The following TTF2 variants were observed in gnomAD, a reference collection of about 807,000 sequenced individuals.
TTF2 encodes the protein RNA polymerase II termination factor.
In TTF2, 108 loss-of-function variants were observed where a neutral mutation model predicts 142.4. The ratio of observed to expected loss-of-function variants is 0.76; its 90% confidence interval spans 0.65 to 0.89. The LOEUF (loss-of-function observed/expected upper bound fraction) is 0.89. TTF2 is among the 40% of genes least tolerant of loss of function. The pLI is 0.00. For missense variants in TTF2, 1,327 were observed against 1,379.8 expected (o/e 0.96, Z 0.61); for synonymous variants, 483 against 506.2 (o/e 0.95, Z 0.61).
At chr1:117,074,275 G>A (rs1440726520) in intron 4 of TTF2, among the ~76,000 whole-genome samples, 1 of 152,172 alleles carries the variant, frequency 6.6e-6, no homozygotes, top group African/African-American at 2.4e-5. Context: ...TTAAGACAAT[G>A]TTTAGGTTTG....
Position 117,106,697 on chromosome 1 carries a change from C to A in TTF2, c.*5173C>A, listed in dbSNP as rs1224111853. The A allele has an allele frequency of 1.3e-5, 2 of 152,166 alleles. No homozygotes were observed. Among genetic ancestry groups the A allele is most frequent in the Admixed American group, 1.3e-4 (2 of 15,270 alleles). The allele number at this position is 152,166 out of a possible 1,614,324, so 9.4% of individuals were successfully genotyped here. On this transcript the variant is annotated 3_prime_UTR_variant, in exon 23 of 23. Coordinates refer to ENST00000369466, the MANE Select transcript of TTF2 (RefSeq NM_003594.4). ...AGGATTTGACCTAGTTAGGGAAGAT[C>A]TGAGGAAGTGATGAAAGAATGGAAA...
Position 117,075,111 on chromosome 1 carries a change from A to G in TTF2, c.527A>G (p.Lys176Arg), listed in dbSNP as rs1557808612. 1 of 1,614,162 alleles carries G rather than the reference A, an allele frequency of 6.2e-7. No homozygotes were observed. Among genetic ancestry groups the G allele is most frequent in the Non-Finnish European group, 8.5e-7 (1 of 1,180,022 alleles). ...KKEQKPEMME[K>R]DLSSGLVPKK... is the part of the protein sequence containing the mutation. ...GAACAGAAGCCTGAAATGATGGAGA[A>G]AGACCTCTCATCTGGCCTGGTACCA... Residue 176 changes from lysine (K) to arginine (R), a missense_variant, in exon 5 of 23, where the codon AAA becomes AGA. Transcript: ENST00000369466. This position sits in a 1 kb window ranked among gnomAD's most constrained non-coding sequence, Gnocchi z 4.5.
Position 117,099,943 on chromosome 1 carries a change from C to T in TTF2, c.3344+1036C>T, listed in dbSNP as rs1570891485. Among the ~76,000 whole-genome samples, 1 of 152,248 alleles carries T rather than the reference C, an allele frequency of 6.6e-6. No individual in the cohort carries two copies. The highest frequency in any genetic ancestry group is 2.4e-5 in the African/African-American group (1 of 41,470). ...TTCCTTCCTTCACAAATTCTGTGCA[C>T]TCCAGTAAGTCCAAAATTTGTATCT... On this transcript the variant is annotated intron_variant, in intron 22 of 22. Coordinates refer to ENST00000369466, the MANE Select transcript of TTF2 (RefSeq NM_003594.4). The surrounding 1 kb of genome is among the most constrained non-coding windows in gnomAD (Gnocchi z 4.3).
rs537040143 is a variant in TTF2, at chr1:117,102,800, C to T, written c.*1276C>T. 1 of 151,340 alleles carries T rather than the reference C, an allele frequency of 6.6e-6. No homozygotes were observed. The highest frequency in any genetic ancestry group is 2.1e-4 in the South Asian group (1 of 4,780). The allele number at this position is 151,340 out of a possible 1,614,324, so 9.4% of individuals were successfully genotyped here. On this transcript the variant is annotated 3_prime_UTR_variant, in exon 23 of 23. Transcript: ENST00000369466. ...ATACTAATAATACTATTGGTACAAT[C>T]CAATACTAATAATACTAACAGTAGT...
At chr1:117,069,237 A>C (rs2101350322) in intron 3 of TTF2, among the ~76,000 whole-genome samples, 1 of 152,276 alleles carries the variant, frequency 6.6e-6, no homozygotes, top group Non-Finnish European at 1.5e-5. Flanking sequence ...AGCCTTTGAC[A>C]CAGCTGGAAT....
At position 117,076,561 on chromosome 1, in the gene TTF2, CT is replaced by C; in HGVS notation, c.1391-78del. ...ATCGGAATGGTGATGATCCCTCTCTCTTGACCTCACCTCCACACATATGGTC... is the reference window on the plus strand; with the variant it reads ...ATCGGAATGGTGATGATCCCTCTCTCTGACCTCACCTCCACACATATGGTC... On this transcript the variant is annotated intron_variant, in intron 6 of 22. Coordinates refer to ENST00000369466, the MANE Select transcript of TTF2 (RefSeq NM_003594.4). This position sits in a 1 kb window ranked among gnomAD's most constrained non-coding sequence, Gnocchi z 4.6. 1 of 1,427,472 alleles carries C rather than the reference CT, an allele frequency of 7.0e-7. No homozygotes were observed. Among genetic ancestry groups the C allele is most frequent in the East Asian group, 2.3e-5 (1 of 43,650 alleles). 88.4% of individuals were successfully genotyped at this position (1,427,472 alleles called of 1,614,324 possible).
intron 3 of TTF2, among the ~76,000 whole-genome samples, chr1:117,071,720 A>G (rs1656593503): frequency 6.6e-6 from 1 of 152,208 alleles, no homozygotes; most frequent in Non-Finnish European, 1.5e-5. Flanking sequence ...TATTTTATGC[A>G]GCAATACTTA....
In TTF2 at chr1:117,100,362, G is replaced by A. The variant is rs1397568979; in HGVS notation, c.3345-1018G>A. Among the ~76,000 whole-genome samples, 1 of 152,090 alleles carries A rather than the reference G, an allele frequency of 6.6e-6. No homozygotes were observed. Among genetic ancestry groups the A allele is most frequent in the South Asian group, 2.1e-4 (1 of 4,816 alleles). ...CCATTTCTTCCTTCCCATGCCCACT[G>A]CCAGGTCCCCCCTTCCCACTCTGCT... On this transcript the variant is annotated intron_variant, in intron 22 of 22. Coordinates refer to ENST00000369466, the MANE Select transcript of TTF2 (RefSeq NM_003594.4). The surrounding 1 kb of genome is among the most constrained non-coding windows in gnomAD (Gnocchi z 4.6).
In TTF2 at chr1:117,076,311, CT is replaced by C; in HGVS notation, c.1390+18del. 2 of 1,597,576 alleles carry C rather than the reference CT, an allele frequency of 1.3e-6. No homozygotes were observed. Among genetic ancestry groups the C allele is most frequent in the Non-Finnish European group, 1.7e-6 (2 of 1,167,466 alleles). On this transcript the variant is annotated intron_variant, in intron 6 of 22. Coordinates refer to ENST00000369466, the MANE Select transcript of TTF2 (RefSeq NM_003594.4). This position sits in a 1 kb window ranked among gnomAD's most constrained non-coding sequence, Gnocchi z 4.6. ...CAGAGCAAGGTAAAGTGGCTTATGC[CT>C]CAGAACTCCGGGTTTGCATCGACTT...
chr1:117,086,006 C>T lies in TTF2; in HGVS notation c.2055-411C>T, dbSNP rs1403420344. Among the ~76,000 whole-genome samples the T allele has an allele frequency of 6.6e-6, 1 of 152,182 alleles. No individual in the cohort carries two copies. Among genetic ancestry groups the T allele is most frequent in the Non-Finnish European group, 1.5e-5 (1 of 68,036 alleles). On this transcript the variant is annotated intron_variant, in intron 11 of 22. Coordinates refer to ENST00000369466, the MANE Select transcript of TTF2 (RefSeq NM_003594.4). This position sits in a 1 kb window ranked among gnomAD's most constrained non-coding sequence, Gnocchi z 4.2. ...TTCTCCCCTGGGACTTTGGTGTCAT[C>T]CATCTCAAATCATTATTAAATGTTA...
At position 117,097,035 on chromosome 1, in the gene TTF2, A is replaced by T. The variant is rs1004678662; in HGVS notation, c.3187-316A>T. On this transcript the variant is annotated intron_variant, in intron 20 of 22. Transcript: ENST00000369466. This position sits in a 1 kb window ranked among gnomAD's most constrained non-coding sequence, Gnocchi z 4.1. ...GGGTAGGGACTGATGAAATAAACAT[A>T]ATCTGGTTAATTGAAAGTTTATTGA... Among the ~76,000 whole-genome samples the T allele has an allele frequency of 2.6e-5, 4 of 152,124 alleles. No homozygotes were observed. The highest frequency in any genetic ancestry group is 4.4e-5 in the Non-Finnish European group (3 of 68,026).
intron 18 of TTF2, 129 bp from the exon 19 acceptor site, chr1:117,095,180 A>G (rs1649001542): frequency 5.2e-6 from 4 of 767,826 alleles, no homozygotes; most frequent in South Asian, 1.7e-5. Context: ...TGCAGAGAGG[A>G]GGGTGGAATA....
At chr1:117,061,226 C>G (rs113717104) in intron 2 of TTF2, among the ~76,000 whole-genome samples, 1 of 149,966 alleles carries the variant, frequency 6.7e-6, no homozygotes, top group East Asian at 2.0e-4. Context: ...CCCGTCTCTA[C>G]GAAAAATTAA....
rs916304079 is a variant in TTF2, at chr1:117,090,968, G to A, written c.2588+345G>A. On this transcript the variant is annotated intron_variant, in intron 15 of 22. Transcript: ENST00000369466. The surrounding 1 kb of genome is among the most constrained non-coding windows in gnomAD (Gnocchi z 4.8). ...TTGACCTGTCATCCAGCATCTCACC[G>A]GAACTTTAAGAAGATGACTTTGTAA... Among the ~76,000 whole-genome samples the A allele has an allele frequency of 1.2e-4, 18 of 152,044 alleles. No individual in the cohort carries two copies. The highest frequency in any genetic ancestry group is 2.4e-4 in the Non-Finnish European group (16 of 68,026).
chr1:117,099,927 T>G lies in TTF2; in HGVS notation c.3344+1020T>G, dbSNP rs568915843. On this transcript the variant is annotated intron_variant, in intron 22 of 22. Transcript: ENST00000369466. The surrounding 1 kb of genome is among the most constrained non-coding windows in gnomAD (Gnocchi z 4.3). ...CTGCTCATTCTGTACATTCCTTCCT[T>G]CACAAATTCTGTGCACTCCAGTAAG... is the stretch of plus-strand genomic sequence containing the variant. Among the ~76,000 whole-genome samples the G allele has an allele frequency of 4.7e-4, 72 of 152,364 alleles. No individual in the cohort carries two copies. The highest frequency in any genetic ancestry group is 1.7e-3 in the African/African-American group (71 of 41,596).
At chr1:117,065,807 A>G (rs2101303363) in intron 3 of TTF2, among the ~76,000 whole-genome samples, 1 of 152,184 alleles carries the variant, frequency 6.6e-6, no homozygotes, top group East Asian at 1.9e-4. Flanking sequence ...ACTTAAAACC[A>G]TTTACATACT....
Position 117,092,638 on chromosome 1 carries a change from C to T in TTF2, c.2806-93C>T. The T allele has an allele frequency of 1.4e-6, 2 of 1,397,606 alleles. No individual in the cohort carries two copies. Among genetic ancestry groups the T allele is most frequent in the Non-Finnish European group, 1.9e-6 (2 of 1,028,434 alleles). 86.6% of individuals were successfully genotyped at this position (1,397,606 alleles called of 1,614,324 possible). A position where few individuals can be genotyped will look rare whatever the true frequency, so the allele number is the denominator to read the frequency against. On this transcript the variant is annotated intron_variant, in intron 17 of 22. Transcript: ENST00000369466. This position sits in a 1 kb window ranked among gnomAD's most constrained non-coding sequence, Gnocchi z 4.4. ...ATGACAAATTACAAGATATTTTGCT[C>T]TGTGAAGTGGTAAACAATCAAAACA...
In TTF2 at chr1:117,073,133, C is replaced by T. The variant is rs999256729; in HGVS notation, c.219-528C>T. On this transcript the variant is annotated intron_variant, in intron 3 of 22. Transcript: ENST00000369466. The surrounding 1 kb of genome is among the most constrained non-coding windows in gnomAD (Gnocchi z 4.4). ...AGGGATCAGGTTGTTTGTCCTATAG[C>T]GTTTCCCACTGCCAAGATTTTGAAG... 1.3e-5 allele frequency among the ~76,000 whole-genome samples: 2 copies of T among 152,164 alleles called. No individual in the cohort carries two copies. The highest frequency in any genetic ancestry group is 2.9e-5 in the Non-Finnish European group (2 of 68,036).
Position 117,073,502 on chromosome 1 carries a change from A to G in TTF2, c.219-159A>G, listed in dbSNP as rs896270455. 2.0e-5 allele frequency among the ~76,000 whole-genome samples: 3 copies of G among 152,236 alleles called. No homozygotes were observed. Among genetic ancestry groups the G allele is most frequent in the African/African-American group, 4.8e-5 (2 of 41,470 alleles). On this transcript the variant is annotated intron_variant, in intron 3 of 22. Coordinates refer to ENST00000369466, the MANE Select transcript of TTF2 (RefSeq NM_003594.4). The surrounding 1 kb of genome is among the most constrained non-coding windows in gnomAD (Gnocchi z 4.4). ...CCCTTATAAATGTTCTGTGCAGTAA[A>G]TAATTTTTAAATGTGTATATAAAAG... is the stretch of plus-strand genomic sequence containing the variant.
Sources: allele counts gnomAD v4.1 joint callset (sites outside exome capture counted in the v4.1 genomes callset), GRCh38; gene constraint gnomAD v4.1.1; non-coding constraint Gnocchi (gnomAD v3.1); transcripts MANE v1.5; gene names NCBI Gene and HGNC (gene_info 2026-07-23, HGNC 2026-07-21).